The following NLRP4 variants were observed in gnomAD, a reference collection of about 807,000 sequenced individuals.
NLRP4 encodes the protein NLR family pyrin domain containing 4.
Under a neutral mutation model 84.7 loss-of-function variants are expected in NLRP4, and 44 were observed. The ratio of observed to expected loss-of-function variants is 0.52; its 90% confidence interval spans 0.41 to 0.67. The LOEUF (loss-of-function observed/expected upper bound fraction) is 0.67. Ranked by LOEUF, NLRP4 falls within the 30% of genes least tolerant of loss-of-function variation. The probability of loss-of-function intolerance (pLI) is 0.00; values close to 1 mark genes in which losing one functional copy is unlikely to be tolerated. For missense variants in NLRP4, 1,260 were observed against 1,219.4 expected (o/e 1.03, Z -0.50); for synonymous variants, 544 against 476.4 (o/e 1.14, Z -1.85).
chr19:55,869,582 T>A (rs1985094940), intron 6 of NLRP4, among the ~76,000 whole-genome samples: 1 of 152,072 alleles, frequency 6.6e-6, no homozygotes, highest in African/African-American at 2.4e-5. Context: ...GATATCCCAG[T>A]TTTCAACAGA....
chr19:55,848,989 G>A (rs1024738398), intron 1 of NLRP4, among the ~76,000 whole-genome samples: 5 of 152,010 alleles, frequency 3.3e-5, no homozygotes, highest in Non-Finnish European at 7.4e-5. Flanking sequence ...CCCCATGATT[G>A]TGAGGCCTCC....
chr19:55,876,887 G>A (rs560126889), intron 7 of NLRP4, 109 bp from the exon 8 acceptor site: 441 of 764,620 alleles, frequency 5.8e-4, no homozygotes, highest in Non-Finnish European at 8.6e-4. Flanking sequence ...GAGGACTGAC[G>A]GTGCCTATCC....
At chr19:55,876,814 T>A (rs1395656265) in intron 7 of NLRP4, among the ~76,000 whole-genome samples, 182 bp from the exon 8 acceptor site, 1 of 152,206 alleles carries the variant, frequency 6.6e-6, no homozygotes. Flanking sequence ...TGTTGCGTGT[T>A]ATGTGTTATT....
At chr19:55,876,478 A>T (rs971248141) in intron 7 of NLRP4, among the ~76,000 whole-genome samples, 1 of 152,152 alleles carries the variant, frequency 6.6e-6, no homozygotes, top group Non-Finnish European at 1.5e-5. Context: ...CCTCCTGGGT[A>T]GCTGGGACTA....
intron 3 of NLRP4, among the ~76,000 whole-genome samples, chr19:55,859,778 A>T (rs562245297): frequency 1.3e-5 from 2 of 151,412 alleles, no homozygotes; most frequent in Admixed American, 6.6e-5. Flanking sequence ...AAATACAAAA[A>T]TTAGCCGGGT....
In NLRP4 at chr19:55,858,620, A is replaced by G. The variant is rs1455114449; in HGVS notation, c.1227A>G (p.Thr409=). ...CCCTGGCTGCAGAGGGTATGTGGAC[A>G]GACACATTTGAGTTTTGTGAAGACG... ...LCSLAAEGMW[T]DTFEFCEDDL... Residue 409 remains threonine (T), a synonymous_variant, in exon 3 of 10, where the codon ACA becomes ACG. Coordinates refer to ENST00000301295, the MANE Select transcript of NLRP4 (RefSeq NM_134444.5). This position sits in a 1 kb window ranked among gnomAD's most constrained non-coding sequence, Gnocchi z 4.2. 1 of 1,614,220 alleles carries G rather than the reference A, an allele frequency of 6.2e-7. No homozygotes were observed. Among genetic ancestry groups the G allele is most frequent in the Non-Finnish European group, 8.5e-7 (1 of 1,180,034 alleles).
At chr19:55,842,473 T>C (rs1983647409) in intron 1 of NLRP4, among the ~76,000 whole-genome samples, 1 of 152,152 alleles carries the variant, frequency 6.6e-6, no homozygotes, top group Non-Finnish European at 1.5e-5. Flanking sequence ...TCTTATCAAA[T>C]TTTTACTTCT....
intron 1 of NLRP4, among the ~76,000 whole-genome samples, chr19:55,843,247 T>TC (rs1157184570): frequency 2.6e-5 from 4 of 152,242 alleles, no homozygotes; most frequent in Non-Finnish European, 1.5e-5. Flanking sequence ...TCTGGAATGC[T>TC]TTCAAGATTT....
intron 3 of NLRP4, among the ~76,000 whole-genome samples, chr19:55,860,425 T>A (rs1322069056): frequency 1.3e-5 from 2 of 152,124 alleles, no homozygotes; most frequent in African/African-American, 2.4e-5. Context: ...ATTTTTTTTT[T>A]AATTAGCCAG....
intron 1 of NLRP4, among the ~76,000 whole-genome samples, chr19:55,838,953 C>G (rs892725300): frequency 2.9e-5 from 4 of 138,730 alleles, no homozygotes; most frequent in Non-Finnish European, 6.0e-5. Flanking sequence ...TACACTAAGC[C>G]TGTTTTTTTT....
rs1254119180 is a variant in NLRP4 at position 55,877,164 on chromosome 19, T to C, written c.2694T>C (p.Leu898=). ...ATACGGATTGCCGCTTAGAGATTCT[T>C]GGGTGGGTATCGCCAAGCTCCTGGT... ...LTHTDCRLEI[L]GLEECGLTST... Residue 898 remains leucine, a splice_region_variant and synonymous_variant, in exon 8 of 10, where the codon CTT becomes CTC. Coordinates refer to ENST00000301295, the MANE Select transcript of NLRP4 (RefSeq NM_134444.5). 1 of 1,613,268 alleles carries C rather than the reference T, an allele frequency of 6.2e-7. No individual in the cohort carries two copies. Among genetic ancestry groups the C allele is most frequent in the Non-Finnish European group, 8.5e-7 (1 of 1,179,342 alleles).
chr19:55,881,405 A>T (rs1207741260), intron 9 of NLRP4, 65 bp from the exon 10 acceptor site: 4 of 842,954 alleles, frequency 4.7e-6, no homozygotes, highest in African/African-American at 1.7e-5. Flanking sequence ...AGGGAGAAAG[A>T]TGAGCTGCAG....
Position 55,858,055 on chromosome 19 carries a change from C to G in NLRP4, c.662C>G (p.Ser221Cys), listed in dbSNP as rs747054234. ...GCTGCTCCTATAACAGAGATCGTGT[C>G]TCAACCGGAGAGACTCTTGTTCGTC... ...DPAAPITEIV[S>C]QPERLLFVID... The change falls in exon 3 of 10, where the codon TCT becomes TGT. Residue 221 changes from serine (S) to cysteine (C), a missense_variant. Physicochemically the swap from Ser to Cys is moderately radical, Grantham distance 112. Transcript: ENST00000301295. This position sits in a 1 kb window ranked among gnomAD's most constrained non-coding sequence, Gnocchi z 4.2. 6.2e-7 allele frequency: 1 copy of G among 1,614,194 alleles called. No individual in the cohort carries two copies. Among genetic ancestry groups the G allele is most frequent in the Non-Finnish European group, 8.5e-7 (1 of 1,180,032 alleles).
intron 7 of NLRP4, among the ~76,000 whole-genome samples, chr19:55,872,438 A>G (rs1985221191): frequency 6.6e-6 from 1 of 152,206 alleles, no homozygotes; most frequent in African/African-American, 2.4e-5. Flanking sequence ...AAATACAAAC[A>G]GCTACCAAAC....
chr19:55,864,334 G>A lies in NLRP4; in HGVS notation c.2186+2175G>A, dbSNP rs369379807. Among the ~76,000 whole-genome samples, 175 of 152,260 alleles carry A rather than the reference G, an allele frequency of 1.1e-3. 1 individual carries two copies. In the South Asian group the frequency reaches 0.012, roughly 10 times the overall value. The stretch of plus-strand genomic sequence containing the variant: ...AGTTGAATCACATGTGGTCTTTTGC[G>A]AATGGCTTACTTTCACTTAGCAAAA... On this transcript the variant is annotated intron_variant, in intron 5 of 9. Transcript: ENST00000301295.
At chr19:55,853,588 A>G (rs933424792) in intron 2 of NLRP4, among the ~76,000 whole-genome samples, 8 of 151,964 alleles carry the variant, frequency 5.3e-5, no homozygotes, top group African/African-American at 1.9e-4. Context: ...TTAAAAAAAA[A>G]TTGTAGAGAT....
rs1984791825 is a variant in NLRP4, at chr19:55,862,232, A to G, written c.2186+73A>G. On this transcript the variant is annotated intron_variant, in intron 5 of 9. Coordinates refer to ENST00000301295, the MANE Select transcript of NLRP4 (RefSeq NM_134444.5). Reference sequence around the variant, plus strand: ...ATAGCCTAAGTCTCCGTTTATTGAGACCACTGATTAGGTTTCAGAGAAAAC... The same window carrying G: ...ATAGCCTAAGTCTCCGTTTATTGAGGCCACTGATTAGGTTTCAGAGAAAAC... The G allele has an allele frequency of 2.0e-5, 16 of 783,598 alleles. 3 individuals carry two copies. The highest frequency in any genetic ancestry group is 3.9e-4 in the Middle Eastern group (1 of 2,582). The allele number at this position is 783,598 out of a possible 1,614,324, so 48.5% of individuals were successfully genotyped here. A position where few individuals can be genotyped will look rare whatever the true frequency, so the allele number is the denominator to read the frequency against.
intron 7 of NLRP4, among the ~76,000 whole-genome samples, chr19:55,874,611 T>A (rs1985303854): frequency 6.6e-6 from 1 of 152,166 alleles, no homozygotes; most frequent in South Asian, 2.1e-4. Flanking sequence ...ATCAGTCAAA[T>A]CTTTTTATAT....
rs924862901 is a variant in NLRP4 at position 55,841,814 on chromosome 19, G to A, written c.-66+4880G>A. Reference sequence around the variant, plus strand: ...TGGGAGGCAGAGGTTGCAGTGAGCCGAGATCGTACCACTGCACTCCAGCCT... The same window carrying A: ...TGGGAGGCAGAGGTTGCAGTGAGCCAAGATCGTACCACTGCACTCCAGCCT... On this transcript the variant is annotated intron_variant, in intron 1 of 9. Transcript: ENST00000301295. 4.1e-5 allele frequency among the ~76,000 whole-genome samples: 6 copies of A among 146,298 alleles called. No homozygotes were observed. The South Asian group carries it at 6.3e-4, about 15-fold the overall frequency.
Sources: gnomAD v4.1 joint callset for allele counts (sites outside exome capture counted in the v4.1 genomes callset) on GRCh38, gnomAD v4.1.1 for gene constraint, Gnocchi (gnomAD v3.1) non-coding constraint, MANE v1.5 for transcripts, NCBI Gene and HGNC (gene_info 2026-07-23, HGNC 2026-07-21) for gene names.